The following ZFAT variants were observed in gnomAD, a reference collection of about 807,000 sequenced individuals.
ZFAT encodes zinc finger protein ZFAT.
A neutral mutation model predicts 117.7 loss-of-function variants in ZFAT; 64 were observed. That is an observed-to-expected ratio of 0.54 (90% CI 0.44 to 0.67). ZFAT has a LOEUF of 0.67. ZFAT is among the 30% of genes least tolerant of loss of function. ZFAT has a pLI of 0.00. For missense variants in ZFAT, 1,433 were observed against 1,584.5 expected, an observed-to-expected ratio of 0.90 and a Z score of 1.62; for synonymous variants, 679 against 615.0, an observed-to-expected ratio of 1.10 and a Z score of -1.54.
intron 15 of ZFAT, among the ~76,000 whole-genome samples, chr8:134,500,242 C>T (rs1267267043): frequency 6.6e-6 from 1 of 152,204 alleles, no homozygotes; most frequent in East Asian, 1.9e-4. Context: ...GGTCAGGAAA[C>T]AGGCACCAAG....
the ZFAT span, among the ~76,000 whole-genome samples, chr8:134,824,608 A>G: frequency 6.6e-6 from 1 of 152,188 alleles, no homozygotes; most frequent in Non-Finnish European, 1.5e-5. Flanking sequence ...CTCTACACAA[A>G]TATGTTCTAC....
intron 11 of ZFAT, among the ~76,000 whole-genome samples, chr8:134,556,670 C>T (rs1383949661): frequency 2.0e-5 from 3 of 152,034 alleles, no homozygotes; most frequent in Admixed American, 2.0e-4. Flanking sequence ...AGTGATGTCC[C>T]CCTAGAAGTC....
intron 11 of ZFAT, among the ~76,000 whole-genome samples, chr8:134,540,223 C>T (rs1269746188): frequency 3.9e-5 from 6 of 152,078 alleles, no homozygotes; most frequent in Admixed American, 2.6e-4. Context: ...GAGATGGGCT[C>T]GGAAGAAGGA....
the ZFAT span, among the ~76,000 whole-genome samples, chr8:134,830,142 G>C: frequency 4.6e-5 from 7 of 152,278 alleles, no homozygotes; most frequent in African/African-American, 1.7e-4. Flanking sequence ...GACATGCTAA[G>C]TGTTGATTTG....
chr8:134,682,672 AAATT>A (rs1241989602), intron 1 of ZFAT, among the ~76,000 whole-genome samples: 1 of 152,156 alleles, frequency 6.6e-6, no homozygotes, highest in Non-Finnish European at 1.5e-5. Flanking sequence ...AAATAAAATT[AAATT>A]AAATTAAATT....
chr8:134,712,741 C>A (rs1013240426), intron 1 of ZFAT, 104 bp downstream of exon 1: 5 of 1,170,386 alleles, frequency 4.3e-6, no homozygotes, highest in South Asian at 1.8e-5. Flanking sequence ...CGGCGGCCGG[C>A]GGCCGGCGCA....
chr8:134,548,080 C>G (rs1822833948), intron 11 of ZFAT, among the ~76,000 whole-genome samples: 1 of 152,182 alleles, frequency 6.6e-6, no homozygotes, highest in South Asian at 2.1e-4. Context: ...GCTCAGAGTC[C>G]TACTTCCACC....
the ZFAT span, among the ~76,000 whole-genome samples, chr8:134,812,324 T>C: frequency 6.6e-6 from 1 of 152,234 alleles, no homozygotes; most frequent in Non-Finnish European, 1.5e-5. Flanking sequence ...CACATAGCTT[T>C]TACCATTTTT....
chr8:134,692,737 G>A (rs2131334047), intron 1 of ZFAT, among the ~76,000 whole-genome samples: 1 of 152,360 alleles, frequency 6.6e-6, no homozygotes, highest in Admixed American at 6.5e-5. Flanking sequence ...GGAAGCTGCT[G>A]TTTACACCAG....
intron 2 of ZFAT, among the ~76,000 whole-genome samples, chr8:134,644,593 A>G (rs534282841): frequency 5.8e-4 from 88 of 151,622 alleles, no homozygotes; most frequent in African/African-American, 2.1e-3. Context: ...ACCCATGTAC[A>G]CAACCACATA....
chr8:134,674,025 C>T (rs1268538551), intron 1 of ZFAT, among the ~76,000 whole-genome samples: 3 of 152,180 alleles, frequency 2.0e-5, no homozygotes, highest in South Asian at 4.1e-4. Flanking sequence ...CCAGTGAGAG[C>T]GAAGCAGAAG....
chr8:134,564,935 A>C (rs1824321261), intron 11 of ZFAT: 3 of 1,208,178 alleles, frequency 2.5e-6, no homozygotes, highest in Non-Finnish European at 3.2e-6. Flanking sequence ...TCCAGTTTTT[A>C]CAACTGCTTG....
intron 1 of ZFAT, among the ~76,000 whole-genome samples, chr8:134,675,742 C>A (rs1054466815): frequency 2.6e-5 from 4 of 152,184 alleles, no homozygotes; most frequent in African/African-American, 9.7e-5. Flanking sequence ...AACAGCGGAT[C>A]TCTCGGCAGA....
intron 11 of ZFAT, 179 bp downstream of exon 11, chr8:134,565,154 T>C: frequency 6.5e-7 from 1 of 1,530,334 alleles, no homozygotes; most frequent in Non-Finnish European, 8.7e-7. Context: ...GCTACGCTTC[T>C]GGAACGAGAG....
chr8:134,532,821 G>A lies in ZFAT; in HGVS notation c.3115+13C>T, dbSNP rs768141126. On this transcript the variant is annotated intron_variant, in intron 12 of 15. Coordinates refer to ENST00000377838, the MANE Select transcript of ZFAT (RefSeq NM_020863.4). ...AAGCGGGCAGGGCCCCAGCTCGCTG[G>A]CCCCTCGCCTACCTTGCTGGATGAG... is the stretch of plus-strand genomic sequence containing the variant. 3.1e-6 allele frequency: 5 copies of A among 1,608,600 alleles called. No individual in the cohort carries two copies. Among genetic ancestry groups the A allele is most frequent in the Non-Finnish European group, 3.4e-6 (4 of 1,178,256 alleles).
the ZFAT span, among the ~76,000 whole-genome samples, chr8:134,750,408 T>C: frequency 6.6e-6 from 1 of 151,914 alleles, no homozygotes; most frequent in Non-Finnish European, 1.5e-5. Flanking sequence ...AAAATGATAG[T>C]TTTTTCCTTA....
At chr8:134,620,505 C>T (rs1829039098) in intron 3 of ZFAT, among the ~76,000 whole-genome samples, 1 of 152,228 alleles carries the variant, frequency 6.6e-6, no homozygotes, top group African/African-American at 2.4e-5. Flanking sequence ...CCAGCTCTTC[C>T]AGCTCTGCAG....
Position 134,608,725 on chromosome 8 carries a change from T to C in ZFAT, c.785+4A>G, listed in dbSNP as rs1828083875. On this transcript the variant is annotated splice_donor_region_variant and intron_variant, in intron 5 of 15. Coordinates refer to ENST00000377838, the MANE Select transcript of ZFAT (RefSeq NM_020863.4). ...CTGAAGTTACACAGAACAAAACACT[T>C]TACCTGCTTGACTTCATTGGTTGCT... is the stretch of plus-strand genomic sequence containing the variant. 6.2e-7 allele frequency: 1 copy of C among 1,609,740 alleles called. No homozygotes were observed. The highest frequency in any genetic ancestry group is 1.1e-5 in the South Asian group (1 of 90,012).
intron 15 of ZFAT, among the ~76,000 whole-genome samples, chr8:134,488,209 G>A (rs1269486992): frequency 6.6e-6 from 1 of 152,248 alleles, no homozygotes; most frequent in Non-Finnish European, 1.5e-5. Flanking sequence ...GCACCCCCAT[G>A]CTGGGCATTC....
Sources: allele counts gnomAD v4.1 joint callset (sites outside exome capture counted in the v4.1 genomes callset), GRCh38; gene constraint gnomAD v4.1.1; transcripts MANE v1.5; gene names NCBI Gene and HGNC (gene_info 2026-07-23, HGNC 2026-07-21).